The following ZFYVE26 variants were observed in gnomAD, a reference collection of about 807,000 sequenced individuals.
ZFYVE26 encodes the protein zinc finger FYVE domain-containing protein 26.
ZFYVE26 carries 181 observed loss-of-function variants against 276.5 expected under a neutral mutation model. The ratio of observed to expected loss-of-function variants is 0.65; its 90% CI spans 0.58 to 0.74. The LOEUF (loss-of-function observed/expected upper bound fraction) is 0.74, where lower values mean the gene tolerates loss of function less well. Among genes scored for constraint, ZFYVE26 ranks in the 30% least tolerant of loss-of-function variants. The probability of loss-of-function intolerance (pLI) is 0.00; values close to 1 mark genes in which losing one functional copy is unlikely to be tolerated. For synonymous variants in ZFYVE26, 1,129 were observed against 1,203.1 expected, an observed-to-expected ratio of 0.94 and a Z score of 1.27; for missense variants, 2,821 against 3,097.9, an observed-to-expected ratio of 0.91 and a Z score of 2.12.
At position 67,761,548 on chromosome 14, in the gene ZFYVE26, C is replaced by T; in HGVS notation, c.6406G>A (p.Glu2136Lys). Residue 2136 changes from glutamate (E) to lysine (K), a missense_variant, in exon 35 of 42, where the codon GAA becomes AAA. Coordinates refer to ENST00000347230, the MANE Select transcript of ZFYVE26 (RefSeq NM_015346.4). ...AGGCTCTGCGTCCGAAGGGTAGCTT[C>T]CAGTTCCCTCAGGGTGGCAAAGTAA... ...DDYFATLRELEATLRTQSLSL... is the reference protein window; with the variant it reads ...DDYFATLRELKATLRTQSLSL... 1 of 1,614,178 alleles carries T rather than the reference C, an allele frequency of 6.2e-7. No homozygotes were observed. The highest frequency in any genetic ancestry group is 1.1e-5 in the South Asian group (1 of 91,076).
At chr14:67,810,791 G>C (rs542402227) in intron 3 of ZFYVE26, among the ~76,000 whole-genome samples, 38 of 152,250 alleles carry the variant, frequency 2.5e-4, no homozygotes, top group Non-Finnish European at 4.3e-4. Flanking sequence ...TGAGACATCT[G>C]TCAATCTTGC....
At chr14:67,796,709 T>C (rs1356553043) in intron 12 of ZFYVE26, 2 of 152,096 alleles carry the variant, frequency 1.3e-5, no homozygotes, top group Admixed American at 1.3e-4. Flanking sequence ...TCCAGCACTT[T>C]GGGAAGCTGA....
At chr14:67,813,537 C>A (rs1239297550) in intron 3 of ZFYVE26, among the ~76,000 whole-genome samples, 1 of 150,372 alleles carries the variant, frequency 6.7e-6, no homozygotes, top group Non-Finnish European at 1.5e-5. Flanking sequence ...ATTTTCTGTT[C>A]AATTCATGTG....
chr14:67,812,066 T>C (rs999151203), intron 3 of ZFYVE26, among the ~76,000 whole-genome samples: 82 of 152,004 alleles, frequency 5.4e-4, no homozygotes, highest in African/African-American at 2.0e-3. Flanking sequence ...CACATCTCTA[T>C]GCATGTATAC....
chr14:67,752,640 G>C, intron 39 of ZFYVE26, 114 bp from the exon 40 acceptor site: 1 of 1,151,132 alleles, frequency 8.7e-7, no homozygotes, highest in South Asian at 1.3e-5. Context: ...TATTGATTGT[G>C]GTCACAGTAG....
At chr14:67,759,115 G>A (rs114389687) in intron 35 of ZFYVE26, among the ~76,000 whole-genome samples, 1,901 of 151,588 alleles carry the variant, frequency 0.013, 45 homozygotes, top group African/African-American at 0.043. Context: ...TATGGTGGCG[G>A]GCGCTTGTAG....
In ZFYVE26 at chr14:67,782,977, CAG is replaced by C. The variant is rs2039543706; in HGVS notation, c.4173_4174del (p.Cys1392TrpfsTer23). 6.2e-7 allele frequency: 1 copy of C among 1,614,108 alleles called. No homozygotes were observed. The highest frequency in any genetic ancestry group is 8.5e-7 in the Non-Finnish European group (1 of 1,180,054). Reference sequence around the variant, plus strand: ...AACGGTAGAAAGACTGGCCCAACCACAGAGATTCACTGCCAGACTCTGCCCCT... The same window carrying C: ...AACGGTAGAAAGACTGGCCCAACCACAGATTCACTGCCAGACTCTGCCCCT... On this transcript the variant is annotated frameshift_variant, in exon 21 of 42. Coordinates refer to ENST00000347230, the MANE Select transcript of ZFYVE26 (RefSeq NM_015346.4). LOFTEE classifies it high-confidence loss of function.
At chr14:67,784,579 G>A in intron 19 of ZFYVE26, 143 bp from the exon 20 acceptor site, 1 of 776,738 alleles carries the variant, frequency 1.3e-6, no homozygotes. Flanking sequence ...TAGGTAAAGG[G>A]TATTCTCAAC....
At chr14:67,732,898 T>C (rs1227363494) in intron 13 of ZFYVE26, among the ~76,000 whole-genome samples, 2 of 152,126 alleles carry the variant, frequency 1.3e-5, no homozygotes, top group East Asian at 1.9e-4. Flanking sequence ...GCTTTTCTTC[T>C]TTTATCAGCA....
At chr14:67,802,852 C>T (rs955309929) in intron 9 of ZFYVE26, among the ~76,000 whole-genome samples, 1 of 152,008 alleles carries the variant, frequency 6.6e-6, no homozygotes, top group South Asian at 2.1e-4. Context: ...AAAAGTAAAG[C>T]AACATCCAGG....
rs1331826992 is a variant in ZFYVE26, at chr14:67,775,118, T to C, written c.5222-4A>G. The C allele has an allele frequency of 3.1e-6, 5 of 1,598,408 alleles. No individual in the cohort carries two copies. Among genetic ancestry groups the C allele is most frequent in the Admixed American group, 3.4e-5 (2 of 58,626 alleles). ...TCTTGGAGGTGAATCACAGAATCTG[T>C]AGAGAGGGAAAATGCTGACAAAATA... On this transcript the variant is annotated splice_polypyrimidine_tract_variant and splice_region_variant and intron_variant, in intron 26 of 41. Coordinates refer to ENST00000347230, the MANE Select transcript of ZFYVE26 (RefSeq NM_015346.4).
Position 67,762,655 on chromosome 14 carries a change from C to G in ZFYVE26, c.6159+17G>C, listed in dbSNP as rs763176652. The G allele has an allele frequency of 9.3e-6, 15 of 1,612,436 alleles. No individual in the cohort carries two copies. Among genetic ancestry groups the G allele is most frequent in the Non-Finnish European group, 1.3e-5 (15 of 1,179,994 alleles). On this transcript the variant is annotated intron_variant, in intron 33 of 41. Coordinates refer to ENST00000347230, the MANE Select transcript of ZFYVE26 (RefSeq NM_015346.4). ...ACAGTGGGGTGGAAGTAAGCTTTGT[C>G]TTTGTCTTTGTCTCACCTCAACGCC...
intron 13 of ZFYVE26, 97 bp downstream of exon 13, chr14:67,794,074 C>T: frequency 4.4e-6 from 6 of 1,363,332 alleles, no homozygotes; most frequent in Non-Finnish European, 6.3e-6. Flanking sequence ...TGAATAACAA[C>T]CTTGACTGCT....
intron 28 of ZFYVE26, chr14:67,769,957 T>C (rs1342627823): frequency 1.8e-6 from 1 of 570,050 alleles, no homozygotes; most frequent in Non-Finnish European, 3.1e-6. Context: ...AGCTTTGCGA[T>C]AGCTCCTGAC....
intron 14 of ZFYVE26, chr14:67,729,064 C>T: frequency 6.3e-6 from 6 of 945,614 alleles, no homozygotes; most frequent in Non-Finnish European, 5.1e-6. Context: ...AGGAGTGGTA[C>T]CTGCTGAATC....
chr14:67,739,106 C>T (rs1218481445), intron 13 of ZFYVE26, among the ~76,000 whole-genome samples: 1 of 152,146 alleles, frequency 6.6e-6, no homozygotes, highest in Admixed American at 6.5e-5. Flanking sequence ...CAATCATGGC[C>T]GGTGGGATGT....
At chr14:67,767,047 T>C (rs2039079350) in intron 31 of ZFYVE26, among the ~76,000 whole-genome samples, 2 of 152,112 alleles carry the variant, frequency 1.3e-5, no homozygotes, top group Non-Finnish European at 2.9e-5. Flanking sequence ...CCCTCCTTTC[T>C]CTGGTCCACT....
At chr14:67,810,266 T>C (rs1471128120) in intron 3 of ZFYVE26, among the ~76,000 whole-genome samples, 1 of 152,204 alleles carries the variant, frequency 6.6e-6, no homozygotes, top group East Asian at 1.9e-4. Flanking sequence ...CACCCAGTTG[T>C]GGGTAAGCCT....
At chr14:67,785,792 G>C in intron 18 of ZFYVE26, 66 bp downstream of exon 18, 1 of 1,608,518 alleles carries the variant, frequency 6.2e-7, no homozygotes, top group Non-Finnish European at 8.5e-7. Context: ...AAAGTGCTTC[G>C]TTACTCTCAG....
Sources: gnomAD v4.1 joint callset for allele counts (sites outside exome capture counted in the v4.1 genomes callset) on GRCh38, gnomAD v4.1.1 for gene constraint, MANE v1.5 for transcripts, NCBI Gene and HGNC (gene_info 2026-07-23, HGNC 2026-07-21) for gene names.